The following CADM2 variants were observed in gnomAD, a reference collection of about 807,000 sequenced individuals.
The protein encoded by CADM2 is immunoglobulin superfamily member 4D.
A neutral mutation model predicts 49.8 loss-of-function variants in CADM2; 12 were observed. The ratio of observed to expected loss-of-function variants is 0.24; its 90% CI spans 0.15 to 0.39. The LOEUF is 0.39. Among genes scored for constraint, CADM2 ranks in the 10% least tolerant of loss-of-function variants. CADM2 has a pLI of 1.00. For synonymous variants in CADM2, 214 were observed against 175.4 expected (o/e 1.22, Z -1.74); for missense variants, 378 against 492.3 (o/e 0.77, Z 2.20).
intron 1 of CADM2, among the ~76,000 whole-genome samples, chr3:85,206,432 C>G (rs1027366383): frequency 1.3e-5 from 2 of 151,682 alleles, no homozygotes; most frequent in Non-Finnish European, 1.5e-5. Flanking sequence ...CTCAGCCTCC[C>G]GAGTAGCTGG....
intron 1 of CADM2, among the ~76,000 whole-genome samples, chr3:85,510,352 C>T (rs1160915540): frequency 6.6e-6 from 1 of 152,026 alleles, no homozygotes; most frequent in African/African-American, 2.4e-5. Context: ...TCTGCCTTAA[C>T]CATGTTAATT....
intron 1 of CADM2, among the ~76,000 whole-genome samples, chr3:85,157,037 C>T (rs887417711): frequency 6.6e-6 from 1 of 152,094 alleles, no homozygotes; most frequent in African/African-American, 2.4e-5. Flanking sequence ...CATTCTTATA[C>T]ACCAACAACA....
chr3:86,036,311 C>G lies in CADM2; in HGVS notation c.971-29294C>G, dbSNP rs151097768. Among the ~76,000 whole-genome samples the G allele has an allele frequency of 7.2e-4, 109 of 152,170 alleles. 2 individuals carry two copies. The East Asian group carries it at 0.02, about 28-fold the overall frequency. On this transcript the variant is annotated intron_variant, in intron 8 of 9. Coordinates refer to ENST00000383699, the MANE Select transcript of CADM2 (RefSeq NM_001167675.2). Reference sequence around the variant, plus strand: ...TCTATTGGTTCTTTTGCAGTTAATGCCTTTAACCATTCAGTATTATTTAAT... The same window carrying G: ...TCTATTGGTTCTTTTGCAGTTAATGGCTTTAACCATTCAGTATTATTTAAT...
chr3:85,552,513 T>G (rs1239891351), intron 1 of CADM2, among the ~76,000 whole-genome samples: 3 of 151,062 alleles, frequency 2.0e-5, no homozygotes, highest in Non-Finnish European at 4.4e-5. Context: ...ACCGAGTAGC[T>G]GAGACTACAG....
At chr3:85,110,337 C>T (rs938037112) in intron 1 of CADM2, among the ~76,000 whole-genome samples, 8 of 151,768 alleles carry the variant, frequency 5.3e-5, no homozygotes, top group African/African-American at 1.9e-4. Flanking sequence ...TTTCCACTTT[C>T]CCCACTTCAT....
chr3:85,786,708 C>T (rs1335690676), intron 2 of CADM2, among the ~76,000 whole-genome samples: 1 of 151,960 alleles, frequency 6.6e-6, no homozygotes, highest in Non-Finnish European at 1.5e-5. Flanking sequence ...TATGTGCCCA[C>T]CATGTCTAAG....
Position 85,278,718 on chromosome 3 carries a change from T to TTG in CADM2, c.61+319092_61+319093dup, listed in dbSNP as rs36208431. The stretch of plus-strand genomic sequence containing the variant: ...TGAAATGTTCTCACTGCTGATGTTC[T>TTG]TGTGTGTGTGTGTGTGTGTGTGTGT... On this transcript the variant is annotated intron_variant, in intron 1 of 9. Coordinates refer to ENST00000383699, the MANE Select transcript of CADM2 (RefSeq NM_001167675.2). 3.3e-3 allele frequency among the ~76,000 whole-genome samples: 471 copies of TTG among 144,540 alleles called. 1 individual carries two copies. The highest frequency in any genetic ancestry group is 9.8e-3 in the East Asian group (48 of 4,892). The allele number at this position is 144,540 out of a possible 152,430, so 94.8% of individuals were successfully genotyped here. A position where few individuals can be genotyped will look rare whatever the true frequency, so the allele number is the denominator to read the frequency against.
intron 1 of CADM2, among the ~76,000 whole-genome samples, chr3:85,423,705 A>G (rs1250644330): frequency 1.3e-5 from 2 of 152,130 alleles, no homozygotes; most frequent in African/African-American, 4.8e-5. Context: ...TTGCCCAGAG[A>G]CTGATGTGGT....
At position 85,939,639 on chromosome 3, in the gene CADM2, A is replaced by G. The variant is rs532721101; in HGVS notation, c.791+3782A>G. ...GTTTAAATTCACCTCCAAAAAAGTG[A>G]TGCGACATTTTCAGTGAGATAAATA... On this transcript the variant is annotated intron_variant, in intron 7 of 9. Transcript: ENST00000383699. 7.2e-5 allele frequency among the ~76,000 whole-genome samples: 11 copies of G among 151,972 alleles called. 1 individual carries two copies. The South Asian group carries it at 1.0e-3, about 14-fold the overall frequency.
At chr3:86,059,530 A>G (rs1738371064) in intron 8 of CADM2, among the ~76,000 whole-genome samples, 2 of 152,184 alleles carry the variant, frequency 1.3e-5, no homozygotes, top group Non-Finnish European at 2.9e-5. Flanking sequence ...GTATTATCAC[A>G]TCTCCTGAAA....
At chr3:85,030,124 C>G (rs1029481911) in intron 1 of CADM2, among the ~76,000 whole-genome samples, 2 of 152,168 alleles carry the variant, frequency 1.3e-5, no homozygotes, top group African/African-American at 4.8e-5. Context: ...CATTAAGTAT[C>G]TTAAACTCCA....
intron 1 of CADM2, among the ~76,000 whole-genome samples, chr3:85,157,851 A>G (rs2040187290): frequency 6.6e-6 from 1 of 152,212 alleles, no homozygotes; most frequent in African/African-American, 2.4e-5. Context: ...GGATCTAATT[A>G]AACTAAAGAG....
intron 3 of CADM2, among the ~76,000 whole-genome samples, chr3:85,809,779 TC>T (rs2072723950): frequency 3.5e-5 from 3 of 86,250 alleles, no homozygotes; most frequent in African/African-American, 9.0e-5. Context: ...TCTCTCTCTC[TC>T]TCTCTCTCTC....
chr3:86,033,221 T>A (rs1220410139), intron 8 of CADM2, among the ~76,000 whole-genome samples: 2 of 151,964 alleles, frequency 1.3e-5, no homozygotes, highest in African/African-American at 4.8e-5. Context: ...ACCAAAGACA[T>A]CTGTGGTTCT....
At chr3:85,784,535 TATCTATCTATC>T (rs2070857331) in intron 2 of CADM2, among the ~76,000 whole-genome samples, 1 of 21,858 alleles carries the variant, frequency 4.6e-5, no homozygotes, top group African/African-American at 5.3e-4. Context: ...TATATTTATC[TATCTATCTATC>T]TATCTATCTA....
intron 1 of CADM2, among the ~76,000 whole-genome samples, chr3:85,152,922 C>G (rs1364799914): frequency 1.3e-5 from 2 of 149,212 alleles, no homozygotes; most frequent in East Asian, 3.9e-4. Flanking sequence ...CGAGATGGCA[C>G]CACTGCACTC....
intron 1 of CADM2, among the ~76,000 whole-genome samples, chr3:85,448,225 G>A (rs2037563787): frequency 1.3e-5 from 2 of 151,344 alleles, no homozygotes; most frequent in Admixed American, 1.3e-4. Flanking sequence ...CCCAACTACT[G>A]GGGAGGCTGA....
intron 1 of CADM2, among the ~76,000 whole-genome samples, chr3:85,073,473 G>A (rs6790864): frequency 0.58 from 88,436 of 151,884 alleles, 26,589 homozygotes; most frequent in Middle Eastern, 0.65. Context: ...AAAATAATTT[G>A]TTAAAAAGAT....
At chr3:84,971,470 G>C (rs2031427327) in intron 1 of CADM2, among the ~76,000 whole-genome samples, 1 of 151,950 alleles carries the variant, frequency 6.6e-6, no homozygotes, top group African/African-American at 2.4e-5. Context: ...TAAAACTAAT[G>C]GTGTTACCAT....
Sources: allele counts gnomAD v4.1 joint callset (sites outside exome capture counted in the v4.1 genomes callset), GRCh38; gene constraint gnomAD v4.1.1; transcripts MANE v1.5; gene names NCBI Gene and HGNC (gene_info 2026-07-23, HGNC 2026-07-21).